Variants in PLCH1 observed in about 807,000 individuals in gnomAD.
The protein encoded by PLCH1 is phospholipase C eta 1, also known as 1-phosphatidylinositol 4,5-bisphosphate phosphodiesterase eta-1.
A neutral mutation model predicts 126.7 loss-of-function variants in PLCH1; 60 were observed. The ratio of observed to expected loss-of-function variants is 0.47; its 90% CI spans 0.38 to 0.59. PLCH1 has a LOEUF of 0.59. PLCH1 is among the 20% of genes least tolerant of loss of function. PLCH1 has a pLI of 0.00. For synonymous variants in PLCH1, 719 were observed against 734.9 expected (o/e 0.98, Z 0.35); for missense variants, 1,723 against 2,040.0 (o/e 0.84, Z 2.99).
At chr3:155,595,350 T>C (rs1450799128) in intron 3 of PLCH1, among the ~76,000 whole-genome samples, 1 of 152,228 alleles carries the variant, frequency 6.6e-6, no homozygotes, top group Non-Finnish European at 1.5e-5. Context: ...AGTTTGTATA[T>C]CCTATTGATT....
intron 2 of PLCH1, among the ~76,000 whole-genome samples, chr3:155,633,003 T>C (rs976929851): frequency 1.3e-5 from 2 of 152,136 alleles, no homozygotes; most frequent in Non-Finnish European, 2.9e-5. Flanking sequence ...TGGTTGACCA[T>C]AACGTATTTC....
chr3:155,604,168 A>G (rs1264411739), intron 2 of PLCH1, among the ~76,000 whole-genome samples: 1 of 151,818 alleles, frequency 6.6e-6, no homozygotes, highest in Non-Finnish European at 1.5e-5. Flanking sequence ...AAATAAATAT[A>G]TATATAAACT....
At chr3:155,655,515 A>T (rs986788240) in intron 2 of PLCH1, among the ~76,000 whole-genome samples, 1 of 152,136 alleles carries the variant, frequency 6.6e-6, no homozygotes, top group Non-Finnish European at 1.5e-5. Context: ...TTATTGGATC[A>T]GTCTTGCACT....
chr3:155,511,954 A>C (rs1043625130), intron 12 of PLCH1, among the ~76,000 whole-genome samples: 70 of 151,980 alleles, frequency 4.6e-4, no homozygotes, highest in African/African-American at 1.6e-3. Flanking sequence ...CCCCAGCCTC[A>C]TTGCCGCCTT....
At chr3:155,495,310 T>C (rs529562055) in intron 15 of PLCH1, among the ~76,000 whole-genome samples, 1 of 152,144 alleles carries the variant, frequency 6.6e-6, no homozygotes, top group African/African-American at 2.4e-5. Context: ...TTGGGGGTCA[T>C]AATGGAGTAA....
At chr3:155,667,040 T>C (rs74931842) in intron 2 of PLCH1, among the ~76,000 whole-genome samples, 1,912 of 152,208 alleles carry the variant, frequency 0.013, 41 homozygotes, top group African/African-American at 0.043. Flanking sequence ...ACAAGACTTG[T>C]TATCCACATT....
intron 12 of PLCH1, among the ~76,000 whole-genome samples, chr3:155,514,434 G>A (rs949522542): frequency 6.6e-6 from 1 of 152,120 alleles, no homozygotes; most frequent in African/African-American, 2.4e-5. Context: ...GGGACACAGT[G>A]GGCTGAAACT....
At chr3:155,495,192 A>G (rs1400534911) in intron 15 of PLCH1, among the ~76,000 whole-genome samples, 1 of 152,280 alleles carries the variant, frequency 6.6e-6, no homozygotes, top group East Asian at 1.9e-4. Context: ...CACGCATATA[A>G]ACTATGGAAC....
chr3:155,577,437 T>C (rs1422330107), intron 6 of PLCH1, among the ~76,000 whole-genome samples: 1 of 152,170 alleles, frequency 6.6e-6, no homozygotes, highest in Non-Finnish European at 1.5e-5. Flanking sequence ...GGAAATTCAC[T>C]ATTTCTCTCT....
At chr3:155,596,564 A>T (rs1277691706) in intron 2 of PLCH1, among the ~76,000 whole-genome samples, 186 bp from the exon 3 acceptor site, 1 of 139,326 alleles carries the variant, frequency 7.2e-6, no homozygotes, top group Non-Finnish European at 1.6e-5. Context: ...AGTCAGTAAA[A>T]AGCCTTACTA....
intron 2 of PLCH1, among the ~76,000 whole-genome samples, chr3:155,652,924 C>T (rs562758748): frequency 7.9e-5 from 12 of 152,124 alleles, no homozygotes; most frequent in Non-Finnish European, 1.6e-4. Context: ...ATAATCTGTC[C>T]TCCACCTACC....
Position 155,638,434 on chromosome 3 carries a change from G to A in PLCH1, c.80-42056C>T, listed in dbSNP as rs115353622. ...TTTAAGCCTGCTATAAGAGAGAATC[G>A]AAATTTGGTTTGCTTTCTTTTAGAC... On this transcript the variant is annotated intron_variant, in intron 2 of 22. Transcript: ENST00000460012. 5.9e-3 allele frequency among the ~76,000 whole-genome samples: 905 copies of A among 152,278 alleles called. 10 individuals are homozygous for A. The highest frequency in any genetic ancestry group is 0.021 in the African/African-American group (874 of 41,552).
At chr3:155,475,263 A>T (rs948886845), downstream of PLCH1, among the ~76,000 whole-genome samples, 2 of 152,028 alleles carry the variant, frequency 1.3e-5, no homozygotes, top group Non-Finnish European at 2.9e-5. Flanking sequence ...TTTCTACAGG[A>T]TCTAGAAAAC....
chr3:155,501,370 G>T (rs1303149683), intron 13 of PLCH1, among the ~76,000 whole-genome samples: 1 of 152,122 alleles, frequency 6.6e-6, no homozygotes, highest in South Asian at 2.1e-4. Context: ...AGGCTGAAAG[G>T]CTCCAGGTCT....
chr3:155,486,350 C>A (rs1039002002), intron 21 of PLCH1: 8 of 597,112 alleles, frequency 1.3e-5, no homozygotes, highest in Non-Finnish European at 2.9e-6. Context: ...TATGCTCATT[C>A]ATTGTTCAAC....
chr3:155,708,277 A>G (rs1427412690), intron 1 of PLCH1, among the ~76,000 whole-genome samples: 1 of 152,180 alleles, frequency 6.6e-6, no homozygotes, highest in Non-Finnish European at 1.5e-5. Flanking sequence ...GATAATAAAT[A>G]GAGTTAGTAG....
At chr3:155,576,786 T>C (rs910543773) in intron 6 of PLCH1, among the ~76,000 whole-genome samples, 4 of 152,234 alleles carry the variant, frequency 2.6e-5, no homozygotes, top group Non-Finnish European at 4.4e-5. Context: ...ACAGTTAGAT[T>C]GTGTCCAATC....
At chr3:155,670,756 C>T (rs960187459) in intron 2 of PLCH1, among the ~76,000 whole-genome samples, 3 of 152,212 alleles carry the variant, frequency 2.0e-5, no homozygotes, top group African/African-American at 7.2e-5. Flanking sequence ...CCAAAACTTA[C>T]CATGTTCTCA....
At chr3:155,592,434 G>A (rs1328168302) in intron 4 of PLCH1, among the ~76,000 whole-genome samples, 3 of 151,114 alleles carry the variant, frequency 2.0e-5, no homozygotes, top group Non-Finnish European at 4.4e-5. Flanking sequence ...GGCAGAGGTT[G>A]CAGTGAGCCG....
Sources: allele counts gnomAD v4.1 joint callset (sites outside exome capture counted in the v4.1 genomes callset), GRCh38; gene constraint gnomAD v4.1.1; transcripts MANE v1.5; gene names NCBI Gene and HGNC (gene_info 2026-07-23, HGNC 2026-07-21).